The following DNAJC22 variants were observed in gnomAD, a reference collection of about 807,000 sequenced individuals.
DNAJC22 encodes dnaJ homolog subfamily C member 22.
DNAJC22 carries 24 observed loss-of-function variants against 22.2 expected under a neutral mutation model. That is an observed-to-expected ratio of 1.08 (90% CI 0.78 to 1.52). DNAJC22 has a LOEUF of 1.52. DNAJC22 is among the 40% of genes most tolerant of loss of function. The pLI, the probability that DNAJC22 is intolerant of heterozygous loss-of-function variation, is 0.00. For missense variants in DNAJC22, 434 were observed against 421.7 expected (o/e 1.03, Z -0.26); for synonymous variants, 160 against 167.4 (o/e 0.96, Z 0.34).
rs1319304846 is a variant in DNAJC22 at position 49,351,514 on chromosome 12, C to A, written c.*12C>A. 3.3e-6 allele frequency: 5 copies of A among 1,523,322 alleles called. No homozygotes were observed. Among genetic ancestry groups the A allele is most frequent in the African/African-American group, 1.4e-5 (1 of 70,332 alleles). 94.4% of individuals were successfully genotyped at this position (1,523,322 alleles called of 1,614,324 possible). ...GATCCCGGAGGTGAAAAGAAACTTC[C>A]CCCTGAGGACTGACTCTTCCTAGCA... On this transcript the variant is annotated 3_prime_UTR_variant, in exon 4 of 4. Transcript: ENST00000549441.
In DNAJC22 at chr12:49,348,830, G is replaced by T. The variant is rs1943732788; in HGVS notation, c.-43G>T. ...TCACAGAGGACCCCGAGACTTCTGTGCTGCGAGTAACCGGACTTGTTCTGA... is the reference window on the plus strand; with the variant it reads ...TCACAGAGGACCCCGAGACTTCTGTTCTGCGAGTAACCGGACTTGTTCTGA... On this transcript the variant is annotated 5_prime_UTR_variant, in exon 3 of 4. Coordinates refer to ENST00000549441, the MANE Select transcript of DNAJC22 (RefSeq NM_001304944.2). The T allele has an allele frequency of 6.9e-7, 1 of 1,457,794 alleles. No homozygotes were observed. Among genetic ancestry groups the T allele is most frequent in the Non-Finnish European group, 9.1e-7 (1 of 1,104,564 alleles). The allele number at this position is 1,457,794 out of a possible 1,614,324, so 90.3% of individuals were successfully genotyped here. A position where few individuals can be genotyped will look rare whatever the true frequency, so the allele number is the denominator to read the frequency against.
intron 3 of DNAJC22, chr12:49,351,086 A>C: frequency 8.7e-5 from 79 of 909,016 alleles, no homozygotes; most frequent in Non-Finnish European, 1.0e-4. Context: ...CATGAGATCT[A>C]GAGCTTGTCT....
chr12:49,347,035 A>C lies in DNAJC22; in HGVS notation c.-1086A>C, dbSNP rs1216783259. The stretch of plus-strand genomic sequence containing the variant: ...TCCCCCGAAGCCCCCGCAAGTCCAG[A>C]CTGGGGGACCTCGGAGATCCACGAG... On this transcript the variant is annotated 5_prime_UTR_variant, in exon 1 of 4. Coordinates refer to ENST00000549441, the MANE Select transcript of DNAJC22 (RefSeq NM_001304944.2). 1 of 152,316 alleles carries C rather than the reference A, an allele frequency of 6.6e-6. No homozygotes were observed. Among genetic ancestry groups the C allele is most frequent in the Non-Finnish European group, 1.5e-5 (1 of 68,090 alleles). 9.4% of individuals were successfully genotyped at this position (152,316 alleles called of 1,614,324 possible).
intron 2 of DNAJC22, among the ~76,000 whole-genome samples, 170 bp from the exon 3 acceptor site, chr12:49,348,596 G>A (rs889180962): frequency 3.3e-5 from 5 of 152,166 alleles, no homozygotes; most frequent in African/African-American, 1.2e-4. Context: ...TCTAAATCTG[G>A]AGTCACTGTG....
rs1592324328 is a variant in DNAJC22, at chr12:49,352,333, T to C, written c.*831T>C. 1 of 152,150 alleles carries C rather than the reference T, an allele frequency of 6.6e-6. No homozygotes were observed. The highest frequency in any genetic ancestry group is 2.4e-5 in the African/African-American group (1 of 41,428). 9.4% of individuals were successfully genotyped at this position (152,150 alleles called of 1,614,324 possible). Reference sequence around the variant, plus strand: ...TCAAGACCAGCCTGGCCAACCAACATGGTGAAACCCCATCTCTACTAAAAA... The same window carrying C: ...TCAAGACCAGCCTGGCCAACCAACACGGTGAAACCCCATCTCTACTAAAAA... On this transcript the variant is annotated 3_prime_UTR_variant, in exon 4 of 4. Coordinates refer to ENST00000549441, the MANE Select transcript of DNAJC22 (RefSeq NM_001304944.2).
chr12:49,350,580 C>A (rs962522156), intron 3 of DNAJC22, among the ~76,000 whole-genome samples: 6 of 148,186 alleles, frequency 4.0e-5, no homozygotes, highest in African/African-American at 1.5e-4. Context: ...CTCACTGCAA[C>A]CTCTGCCTCC....
In DNAJC22 at chr12:49,351,450, C is replaced by A; in HGVS notation, c.974C>A (p.Ala325Asp). The change falls in exon 4 of 4, where the codon GCT (alanine) becomes GAT (aspartate). Residue 325 changes from alanine (A) to aspartate (D), a missense_variant. Coordinates refer to ENST00000549441, the MANE Select transcript of DNAJC22 (RefSeq NM_001304944.2). ...EAQRHFLEIQAAYEVLSQPRK... is the reference protein window; with the variant it reads ...EAQRHFLEIQDAYEVLSQPRK... ...CAGAGGCACTTCCTGGAGATCCAGGCTGCGTATGAAGTCCTGAGTCAACCC... is the reference window on the plus strand; with the variant it reads ...CAGAGGCACTTCCTGGAGATCCAGGATGCGTATGAAGTCCTGAGTCAACCC... 1 of 1,601,974 alleles carries A rather than the reference C, an allele frequency of 6.2e-7. No homozygotes were observed. The highest frequency in any genetic ancestry group is 1.7e-5 in the Admixed American group (1 of 57,562).
chr12:49,349,273 C>G lies in DNAJC22; in HGVS notation c.401C>G (p.Thr134Ser), dbSNP rs543314938. Reference protein sequence around the residue: ...VGNQTSDFKNTLGSAFLTSPI... With the variant: ...VGNQTSDFKNSLGSAFLTSPI... The stretch of plus-strand genomic sequence containing the variant: ...AACCAGACCTCAGACTTTAAGAACA[C>G]TCTGGGGTCAGCATTTCTCACTTCA... The change falls in exon 3 of 4, where the codon ACT becomes AGT. Residue 134 changes from threonine to serine, a missense_variant. Thr to Ser is a moderately conservative substitution (Grantham distance 58). Coordinates refer to ENST00000549441, the MANE Select transcript of DNAJC22 (RefSeq NM_001304944.2). 11 of 1,614,216 alleles carry G rather than the reference C, an allele frequency of 6.8e-6. No individual in the cohort carries two copies. Among genetic ancestry groups the G allele is most frequent in the Non-Finnish European group, 9.3e-6 (11 of 1,180,034 alleles).
At position 49,349,244 on chromosome 12, in the gene DNAJC22, T is replaced by G. The variant is rs1305715940; in HGVS notation, c.372T>G (p.Val124=). 2 of 1,614,212 alleles carry G rather than the reference T, an allele frequency of 1.2e-6. No individual in the cohort carries two copies. Among genetic ancestry groups the G allele is most frequent in the Admixed American group, 3.3e-5 (2 of 60,026 alleles). ...TAGGGGTCTTGCTGGTGGCTGCTGTTGGCAACCAGACCTCAGACTTTAAGA... is the reference window on the plus strand; with the variant it reads ...TAGGGGTCTTGCTGGTGGCTGCTGTGGGCAACCAGACCTCAGACTTTAAGA... ...VGLGVLLVAA[V]GNQTSDFKNT... Residue 124 remains valine, a synonymous_variant, in exon 3 of 4, where the codon GTT becomes GTG. Coordinates refer to ENST00000549441, the MANE Select transcript of DNAJC22 (RefSeq NM_001304944.2).
At chr12:49,349,810 C>T in intron 3 of DNAJC22, 98 bp downstream of exon 3, 1 of 1,563,742 alleles carries the variant, frequency 6.4e-7, no homozygotes. Context: ...GAAGGATATT[C>T]TGGCTTCTTT....
intron 2 of DNAJC22, among the ~76,000 whole-genome samples, chr12:49,348,557 G>A (rs904338987): frequency 6.6e-6 from 1 of 152,072 alleles, no homozygotes; most frequent in Admixed American, 6.5e-5. Flanking sequence ...GGGTCTCAGG[G>A]GAAGTCTGAA....
chr12:49,349,324 C>T lies in DNAJC22; in HGVS notation c.452C>T (p.Ala151Val), dbSNP rs1349859983. 2.5e-6 allele frequency: 4 copies of T among 1,612,240 alleles called. No individual in the cohort carries two copies. The highest frequency in any genetic ancestry group is 2.2e-5 in the East Asian group (1 of 44,892). The stretch of plus-strand genomic sequence containing the variant: ...CCTATCTTCTATGGCCGCCCCATAG[C>T]CATACTGCCCATTAGCGTGGCCGCC... ...TSPIFYGRPI[A>V]ILPISVAASI... Residue 151 changes from alanine (A) to valine (V), a missense_variant, in exon 3 of 4, where the codon GCC (alanine) becomes GTC (valine). Ala to Val is a moderately conservative substitution (Grantham distance 64). Coordinates refer to ENST00000549441, the MANE Select transcript of DNAJC22 (RefSeq NM_001304944.2).
chr12:49,350,087 T>G (rs1265282757), intron 3 of DNAJC22, among the ~76,000 whole-genome samples: 2 of 151,992 alleles, frequency 1.3e-5, no homozygotes, highest in Non-Finnish European at 2.9e-5. Context: ...TCTTCTTTTT[T>G]TTTTTTTGAG....
At chr12:49,348,666 A>T (rs1002305202) in intron 2 of DNAJC22, 100 bp from the exon 3 acceptor site, 1 of 514,066 alleles carries the variant, frequency 1.9e-6, no homozygotes, top group African/African-American at 2.0e-5. Context: ...AGCACTGGGG[A>T]CTCAGGCAGA....
chr12:49,349,055 A>G lies in DNAJC22; in HGVS notation c.183A>G (p.Arg61=). 1 of 1,612,072 alleles carries G rather than the reference A, an allele frequency of 6.2e-7. No homozygotes were observed. The highest frequency in any genetic ancestry group is 2.2e-5 in the East Asian group (1 of 44,870). The change falls in exon 3 of 4, where the codon AGA becomes AGG. Residue 61 remains arginine, a synonymous_variant. Coordinates refer to ENST00000549441, the MANE Select transcript of DNAJC22 (RefSeq NM_001304944.2). Reference sequence around the variant, plus strand: ...CAAGCTTTGTAGCTCAGGCCAACAGAGCCCAGGGACAGAGGCAGAGCCCCA... The same window carrying G: ...CAAGCTTTGTAGCTCAGGCCAACAGGGCCCAGGGACAGAGGCAGAGCCCCA... The part of the protein sequence containing the change: ...KLPSFVAQAN[R]AQGQRQSPRG...
At position 49,347,901 on chromosome 12, in the gene DNAJC22, G is replaced by A. The variant is rs927265882; in HGVS notation, c.-312G>A. ...TTCCCCGCGAGGGCGGGCGGGAGGA[G>A]TCCCAGGCGGGAATGTGATCCCCAG... On this transcript the variant is annotated 5_prime_UTR_variant, in exon 2 of 4. Transcript: ENST00000549441. The A allele has an allele frequency of 6.6e-6, 1 of 152,386 alleles. No individual in the cohort carries two copies. Among genetic ancestry groups the A allele is most frequent in the African/African-American group, 2.4e-5 (1 of 41,474 alleles). The allele number at this position is 152,386 out of a possible 1,614,324, so 9.4% of individuals were successfully genotyped here.
chr12:49,351,530 C>G lies in DNAJC22; in HGVS notation c.*28C>G, dbSNP rs762729049. 13 of 1,511,940 alleles carry G rather than the reference C, an allele frequency of 8.6e-6. No homozygotes were observed. The highest frequency in any genetic ancestry group is 1.1e-5 in the Non-Finnish European group (13 of 1,137,000). 93.7% of individuals were successfully genotyped at this position (1,511,940 alleles called of 1,614,324 possible). A position where few individuals can be genotyped will look rare whatever the true frequency, so the allele number is the denominator to read the frequency against. ...AGAAACTTCCCCCTGAGGACTGACT[C>G]TTCCTAGCAGAGCTGGGCAACTTGT... is the stretch of plus-strand genomic sequence containing the variant. On this transcript the variant is annotated 3_prime_UTR_variant, in exon 4 of 4. Transcript: ENST00000549441.
At position 49,351,621 on chromosome 12, in the gene DNAJC22, G is replaced by A. The variant is rs546740612; in HGVS notation, c.*119G>A. 2.6e-6 allele frequency: 3 copies of A among 1,140,832 alleles called. No homozygotes were observed. Among genetic ancestry groups the A allele is most frequent in the South Asian group, 3.7e-5 (2 of 54,522 alleles). The allele number at this position is 1,140,832 out of a possible 1,614,324, so 70.7% of individuals were successfully genotyped here. A position where few individuals can be genotyped will look rare whatever the true frequency, so the allele number is the denominator to read the frequency against. ...TTAAAGAAACTGCTTGCAGGGGCTG[G>A]GCGTGGTGGCTCATGCCTGTAATCC... is the stretch of plus-strand genomic sequence containing the variant. On this transcript the variant is annotated 3_prime_UTR_variant, in exon 4 of 4. Coordinates refer to ENST00000549441, the MANE Select transcript of DNAJC22 (RefSeq NM_001304944.2).
rs1010279465 is a variant in DNAJC22, at chr12:49,353,157, T to G, written c.*1655T>G. On this transcript the variant is annotated 3_prime_UTR_variant, in exon 4 of 4. Transcript: ENST00000549441. ...GCTAGAGCATCTCAAGGGGGCCTTATTCAATTCTAGGTAACTAGCCAGGTG... is the reference window on the plus strand; with the variant it reads ...GCTAGAGCATCTCAAGGGGGCCTTAGTCAATTCTAGGTAACTAGCCAGGTG... The G allele has an allele frequency of 6.6e-6, 1 of 152,168 alleles. No homozygotes were observed. Among genetic ancestry groups the G allele is most frequent in the Non-Finnish European group, 1.5e-5 (1 of 68,034 alleles). 9.4% of individuals were successfully genotyped at this position (152,168 alleles called of 1,614,324 possible).
Sources: gnomAD v4.1 joint callset for allele counts (sites outside exome capture counted in the v4.1 genomes callset) on GRCh38, gnomAD v4.1.1 for gene constraint, MANE v1.5 for transcripts, NCBI Gene and HGNC (gene_info 2026-07-23, HGNC 2026-07-21) for gene names.